HDAC9: variants seen among roughly 807,000 people sequenced by gnomAD.
The protein encoded by HDAC9 is histone deacetylase 9.
HDAC9 carries 41 observed loss-of-function variants against 139.4 expected under a neutral mutation model. That is an observed-to-expected ratio of 0.29 (90% CI 0.23 to 0.38). HDAC9 has a LOEUF of 0.38. Among genes scored for constraint, HDAC9 ranks in the 10% least tolerant of loss-of-function variants. The probability of loss-of-function intolerance (pLI) is 1.00; values close to 1 mark genes in which losing one functional copy is unlikely to be tolerated. For missense variants in HDAC9, 1,147 were observed against 1,297.0 expected (o/e 0.88, Z 1.78); for synonymous variants, 517 against 476.2 (o/e 1.09, Z -1.12).
intron 1 of HDAC9, among the ~76,000 whole-genome samples, chr7:18,352,156 C>A (rs768201805): frequency 6.6e-6 from 1 of 152,190 alleles, no homozygotes. Flanking sequence ...TCAGTTATCT[C>A]TGAGGATCCT....
chr7:18,155,072 T>TC (rs1787078761), intron 1 of HDAC9, among the ~76,000 whole-genome samples: 1 of 142,854 alleles, frequency 7.0e-6, no homozygotes, highest in Non-Finnish European at 1.5e-5. Context: ...GACAAAGCTT[T>TC]TTTTCTTTCT....
chr7:18,704,793 A>G (rs768648520), intron 12 of HDAC9, among the ~76,000 whole-genome samples: 8 of 152,222 alleles, frequency 5.3e-5, no homozygotes, highest in Non-Finnish European at 1.0e-4. Context: ...CATAGCCTAC[A>G]TATCACAAGC....
chr7:18,460,788 C>CA (rs750144894), intron 1 of HDAC9, among the ~76,000 whole-genome samples: 3,875 of 44,262 alleles, frequency 0.088, 105 homozygotes, highest in Middle Eastern at 0.12. Context: ...AACTCTGTCT[C>CA]AAAAAAAAAA....
At chr7:18,856,672 G>A (rs1375337722) in intron 21 of HDAC9, among the ~76,000 whole-genome samples, 2 of 152,128 alleles carry the variant, frequency 1.3e-5, no homozygotes, top group Non-Finnish European at 2.9e-5. Flanking sequence ...ATGAGTTTGT[G>A]ATATAAATGG....
chr7:18,633,356 G>A (rs1305020253), intron 7 of HDAC9, among the ~76,000 whole-genome samples: 3 of 152,056 alleles, frequency 2.0e-5, no homozygotes, highest in Non-Finnish European at 4.4e-5. Flanking sequence ...GAAGAAGTGA[G>A]TGGACATTGT....
At chr7:18,526,982 A>G (rs1383976391) in intron 2 of HDAC9, among the ~76,000 whole-genome samples, 1 of 152,182 alleles carries the variant, frequency 6.6e-6, no homozygotes, top group Non-Finnish European at 1.5e-5. Flanking sequence ...AGATTATAAC[A>G]ATAAAAGTCA....
intron 17 of HDAC9, among the ~76,000 whole-genome samples, chr7:18,801,250 A>G (rs950369192): frequency 6.6e-6 from 1 of 152,014 alleles, no homozygotes; most frequent in African/African-American, 2.4e-5. Flanking sequence ...AATATTTTAT[A>G]TTTTGTGGAA....
At chr7:18,459,869 G>A (rs1049234210) in intron 1 of HDAC9, among the ~76,000 whole-genome samples, 2 of 151,238 alleles carry the variant, frequency 1.3e-5, no homozygotes, top group Non-Finnish European at 2.9e-5. Context: ...CTTATATCAA[G>A]TATTTCAGAT....
intron 1 of HDAC9, among the ~76,000 whole-genome samples, chr7:18,375,816 C>T (rs1784955259): frequency 1.3e-5 from 2 of 152,208 alleles, no homozygotes; most frequent in Non-Finnish European, 2.9e-5. Context: ...GGTATGCCAC[C>T]TCACAGCTTG....
In HDAC9 at chr7:18,999,646, T is replaced by A. The variant is rs1056775518; in HGVS notation, c.*3584T>A. On this transcript the variant is annotated 3_prime_UTR_variant, in exon 26 of 26. Coordinates refer to ENST00000686413, the MANE Select transcript of HDAC9 (RefSeq NM_178425.4). The stretch of plus-strand genomic sequence containing the variant: ...TAGAGACGGGGTTTCTCCATGTTGG[T>A]CAGGCTGGTCTCAAACTCCCGACCT... The A allele has an allele frequency of 1.3e-5, 2 of 151,916 alleles. No homozygotes were observed. Among genetic ancestry groups the A allele is most frequent in the Non-Finnish European group, 2.9e-5 (2 of 67,970 alleles). The allele number at this position is 151,916 out of a possible 1,614,324, so 9.4% of individuals were successfully genotyped here.
At chr7:18,168,313 G>A (rs1167143018) in intron 2 of HDAC9, among the ~76,000 whole-genome samples, 2 of 152,104 alleles carry the variant, frequency 1.3e-5, no homozygotes, top group Admixed American at 1.3e-4. Flanking sequence ...GTAGTTTTAA[G>A]TATTATGATG....
chr7:18,597,504 A>G (rs368188187), intron 6 of HDAC9, among the ~76,000 whole-genome samples: 57 of 152,268 alleles, frequency 3.7e-4, no homozygotes, highest in African/African-American at 1.3e-3. Flanking sequence ...ATAATAAACT[A>G]TGAAGTAGGG....
intron 2 of HDAC9, among the ~76,000 whole-genome samples, chr7:18,267,231 A>G (rs1015429909): frequency 1.3e-5 from 2 of 152,108 alleles, no homozygotes; most frequent in African/African-American, 4.8e-5. Context: ...ACATGTATAC[A>G]TTGTGGTGCA....
intron 2 of HDAC9, among the ~76,000 whole-genome samples, chr7:18,499,307 G>T (rs1264096627): frequency 6.6e-6 from 1 of 152,030 alleles, no homozygotes; most frequent in Non-Finnish European, 1.5e-5. Flanking sequence ...TTTTTGTACA[G>T]AGCTCTTTAT....
At chr7:18,794,466 A>T (rs1306668108) in intron 17 of HDAC9, among the ~76,000 whole-genome samples, 1 of 152,170 alleles carries the variant, frequency 6.6e-6, no homozygotes, top group Non-Finnish European at 1.5e-5. Flanking sequence ...TTTACTCTTA[A>T]CTCTTTAAAG....
At chr7:18,533,809 G>C (rs1244553654) in intron 2 of HDAC9, among the ~76,000 whole-genome samples, 1 of 151,996 alleles carries the variant, frequency 6.6e-6, no homozygotes. Context: ...TTCAGTGTTA[G>C]ACCTTCTGAT....
At chr7:18,367,167 A>G (rs909203776) in intron 1 of HDAC9, among the ~76,000 whole-genome samples, 10 of 152,254 alleles carry the variant, frequency 6.6e-5, no homozygotes, top group African/African-American at 2.4e-4. Flanking sequence ...AAATACAATC[A>G]TATTTAATTC....
At chr7:18,838,527 G>A (rs2073964) in intron 21 of HDAC9, among the ~76,000 whole-genome samples, 53,308 of 151,820 alleles carry the variant, frequency 0.35, 9,755 homozygotes, top group South Asian at 0.53. Flanking sequence ...GAAAGAAAAT[G>A]AATCATATTT....
chr7:18,312,812 C>A (rs1316854673), intron 1 of HDAC9, among the ~76,000 whole-genome samples: 1 of 152,060 alleles, frequency 6.6e-6, no homozygotes, highest in African/African-American at 2.4e-5. Flanking sequence ...CCTAGACAAT[C>A]TTCTCTTGGA....
Sources: gnomAD v4.1 joint callset for allele counts (sites outside exome capture counted in the v4.1 genomes callset) on GRCh38, gnomAD v4.1.1 for gene constraint, MANE v1.5 for transcripts, NCBI Gene and HGNC (gene_info 2026-07-23, HGNC 2026-07-21) for gene names.